The following MTUS1 variants were observed in gnomAD, a reference collection of about 807,000 sequenced individuals.
The protein encoded by MTUS1 is microtubule-associated tumor suppressor 1.
A neutral mutation model predicts 120.8 loss-of-function variants in MTUS1; 109 were observed. The ratio of observed to expected loss-of-function variants is 0.90; its 90% CI spans 0.77 to 1.06. MTUS1 has a LOEUF of 1.06. MTUS1 is among the 50% of genes least tolerant of loss of function. The pLI is 0.00. For missense variants in MTUS1, 2,210 were observed against 1,486.3 expected, an observed-to-expected ratio of 1.49 and a Z score of -8.01; for synonymous variants, 737 against 550.5, an observed-to-expected ratio of 1.34 and a Z score of -4.74.
chr8:17,727,541 C>T (rs764058106), intron 3 of MTUS1, among the ~76,000 whole-genome samples: 6 of 152,166 alleles, frequency 3.9e-5, no homozygotes, highest in African/African-American at 7.2e-5. Context: ...ACAGTCCCGA[C>T]GTTTAGCTTA....
chr8:17,719,323 A>C (rs1822952245), intron 4 of MTUS1, among the ~76,000 whole-genome samples: 1 of 152,216 alleles, frequency 6.6e-6, no homozygotes, highest in Admixed American at 6.5e-5. Flanking sequence ...TTTTATGTGA[A>C]TCAGTTTAAC....
At position 17,755,740 on chromosome 8, in the gene MTUS1, T is replaced by A. The variant is rs777452896; in HGVS notation, c.68A>T (p.Asp23Val). The A allele has an allele frequency of 1.8e-5, 29 of 1,614,016 alleles. No homozygotes were observed. Among genetic ancestry groups the A allele is most frequent in the Non-Finnish European group, 2.5e-5 (29 of 1,179,998 alleles). The change falls in exon 2 of 15, where the codon GAT (aspartate) becomes GTT (valine). Residue 23 changes from aspartate to valine, a missense_variant. By Grantham distance (152) the Asp-to-Val change is radical. Coordinates refer to ENST00000693296, the MANE Select transcript of MTUS1 (RefSeq NM_001363059.2). Reference protein sequence around the residue: ...ELQTFFTSDKDGNTHAYNPKS... With the variant: ...ELQTFFTSDKVGNTHAYNPKS... ...CGGGTTGTATGCATGTGTATTTCCA[T>A]CTTTATCACTGGTAAAGAAGGTTTG...
chr8:17,695,511 G>C (rs1166254026), intron 6 of MTUS1, among the ~76,000 whole-genome samples: 1 of 152,176 alleles, frequency 6.6e-6, no homozygotes, highest in Non-Finnish European at 1.5e-5. Context: ...CGTAAGTTTA[G>C]AAAATAAAAT....
intron 8 of MTUS1, among the ~76,000 whole-genome samples, chr8:17,658,024 GACAC>G (rs58132896): frequency 0.08 from 11,247 of 140,430 alleles, 512 homozygotes; most frequent in African/African-American, 0.11. Context: ...TATATATATA[GACAC>G]ACACACACAC....
chr8:17,703,475 T>C (rs569840334), intron 6 of MTUS1, among the ~76,000 whole-genome samples: 3 of 151,866 alleles, frequency 2.0e-5, no homozygotes, highest in Admixed American at 6.6e-5. Context: ...CTACTAGAAA[T>C]GTAAAAACTT....
At position 17,697,248 on chromosome 8, in the gene MTUS1, G is replaced by C. The variant is rs750524261; in HGVS notation, c.2624-12706C>G. The stretch of plus-strand genomic sequence containing the variant: ...TGCAACACTAAACAGAGATCTATGC[G>C]AGACAGACCTGTGTGGAAAACAACA... On this transcript the variant is annotated intron_variant, in intron 6 of 14. Transcript: ENST00000693296. The C allele has an allele frequency of 6.8e-6, 11 of 1,611,178 alleles. No individual in the cohort carries two copies. The East Asian group carries it at 1.8e-4, about 26-fold the overall frequency.
chr8:17,792,264 C>A (rs1418441107), intron 1 of MTUS1, among the ~76,000 whole-genome samples: 3 of 152,146 alleles, frequency 2.0e-5, no homozygotes, highest in African/African-American at 4.8e-5. Context: ...CAGTCCCTAG[C>A]ACTGAAGGAT....
intron 1 of MTUS1, among the ~76,000 whole-genome samples, chr8:17,773,154 G>A (rs2050140231): frequency 6.6e-6 from 1 of 152,142 alleles, no homozygotes; most frequent in East Asian, 1.9e-4. Context: ...AAGATATACA[G>A]TAAAATAAAA....
At chr8:17,668,697 CA>C (rs1435524293) in intron 8 of MTUS1, among the ~76,000 whole-genome samples, 1 of 152,044 alleles carries the variant, frequency 6.6e-6, no homozygotes, top group African/African-American at 2.4e-5. Flanking sequence ...ATTTTAGGTT[CA>C]GGGGCACATG....
intron 3 of MTUS1, among the ~76,000 whole-genome samples, chr8:17,742,311 T>TTTTTTTTTTTTA (rs1554516969): frequency 1.4e-5 from 2 of 139,628 alleles, no homozygotes; most frequent in Non-Finnish European, 3.1e-5. Context: ...TTTTTTTTTT[T>TTTTTTTTTTTTA]AGAGATAGTG....
rs111233151 is a variant in MTUS1 at position 17,674,077 on chromosome 8, A to T, written c.2905+1109T>A. 2.2e-3 allele frequency among the ~76,000 whole-genome samples: 328 copies of T among 152,286 alleles called. 3 individuals carry two copies. The highest frequency in any genetic ancestry group is 7.7e-3 in the African/African-American group (321 of 41,546). The stretch of plus-strand genomic sequence containing the variant: ...AGCAGGAAGTTGATTCTCTAGGTTG[A>T]GGAGCCCAGGGCAGAGAGAAGAACC... On this transcript the variant is annotated intron_variant, in intron 8 of 14. Transcript: ENST00000693296.
At position 17,645,699 on chromosome 8, in the gene MTUS1, ATC is replaced by A; in HGVS notation, c.*225_*226del. The A allele has an allele frequency of 3.8e-6, 2 of 519,924 alleles. No individual in the cohort carries two copies. The highest frequency in any genetic ancestry group is 6.4e-6 in the Non-Finnish European group (2 of 310,894). 32.2% of individuals were successfully genotyped at this position (519,924 alleles called of 1,614,324 possible). Reference sequence around the variant, plus strand: ...CAACAACGTCCGTGTCGATGCCGAAATCTTTTTTTAAATCTTTTTTTGGAGGA... The same window carrying A: ...CAACAACGTCCGTGTCGATGCCGAAATTTTTTTAAATCTTTTTTTGGAGGA... On this transcript the variant is annotated 3_prime_UTR_variant, in exon 15 of 15. Coordinates refer to ENST00000693296, the MANE Select transcript of MTUS1 (RefSeq NM_001363059.2).
At chr8:17,656,105 A>G (rs1432194520) in intron 8 of MTUS1, 40 bp from the exon 9 acceptor site, 1 of 1,574,506 alleles carries the variant, frequency 6.4e-7, no homozygotes, top group Non-Finnish European at 8.7e-7. Context: ...AGGTCATTTT[A>G]TTTGTGAAAT....
At chr8:17,762,142 G>A (rs2049090936) in intron 1 of MTUS1, among the ~76,000 whole-genome samples, 1 of 152,098 alleles carries the variant, frequency 6.6e-6, no homozygotes, top group Non-Finnish European at 1.5e-5. Flanking sequence ...TGCCAGGTAT[G>A]GTGGCAGGTG....
rs189842558 is a variant in MTUS1 at position 17,721,908 on chromosome 8, G to A, written c.2449+1764C>T. The A allele has an allele frequency of 2.7e-4, 440 of 1,609,116 alleles. 2 individuals are homozygous for A. The highest frequency in any genetic ancestry group is 1.8e-3 in the Admixed American group (108 of 59,606). On this transcript the variant is annotated intron_variant, in intron 4 of 14. Transcript: ENST00000693296. ...ATCCTCCTGGTACAGTCATTTAAAA[G>A]GATCAAAGCAAGCTTAAGCAGGAAA... is the stretch of plus-strand genomic sequence containing the variant.
Position 17,710,322 on chromosome 8 carries a change from T to G in MTUS1, c.2623+2892A>C, listed in dbSNP as rs186401555. Reference sequence around the variant, plus strand: ...AATTGGAGTCAATCCTCTCAAACCCTGCCACTGCTTTAAGTTTATGGAATA... The same window carrying G: ...AATTGGAGTCAATCCTCTCAAACCCGGCCACTGCTTTAAGTTTATGGAATA... On this transcript the variant is annotated intron_variant, in intron 6 of 14. Transcript: ENST00000693296. Among the ~76,000 whole-genome samples, 194 of 152,352 alleles carry G rather than the reference T, an allele frequency of 1.3e-3. 1 individual carries two copies. The highest frequency in any genetic ancestry group is 4.4e-3 in the African/African-American group (183 of 41,584).
At chr8:17,694,623 G>A (rs1393675815) in intron 6 of MTUS1, among the ~76,000 whole-genome samples, 4 of 152,062 alleles carry the variant, frequency 2.6e-5, no homozygotes, top group Admixed American at 2.6e-4. Flanking sequence ...GGCCCAGACA[G>A]CACCAGTGCA....
chr8:17,778,538 C>T (rs1586354930), intron 1 of MTUS1, among the ~76,000 whole-genome samples: 1 of 152,160 alleles, frequency 6.6e-6, no homozygotes, highest in South Asian at 2.1e-4. Context: ...AAGAGGAGGG[C>T]AGGTGTGGTG....
chr8:17,710,531 A>G (rs1056855890), intron 6 of MTUS1, among the ~76,000 whole-genome samples: 2 of 152,140 alleles, frequency 1.3e-5, no homozygotes, highest in Non-Finnish European at 2.9e-5. Context: ...TTCTCATCCT[A>G]TTTCTACCAC....
Sources: allele counts gnomAD v4.1 joint callset (sites outside exome capture counted in the v4.1 genomes callset), GRCh38; gene constraint gnomAD v4.1.1; transcripts MANE v1.5; gene names NCBI Gene and HGNC (gene_info 2026-07-23, HGNC 2026-07-21).